CERT1: variants seen among roughly 807,000 people sequenced by gnomAD.
CERT1 encodes the protein ceramide transfer protein.
CERT1 carries 31 observed loss-of-function variants against 87.9 expected under a neutral mutation model. That is an observed-to-expected ratio of 0.35 (90% CI 0.27 to 0.48). The LOEUF is 0.48. CERT1 is among the 20% of genes least tolerant of loss of function. CERT1 has a pLI of 0.99. For synonymous variants in CERT1, 289 were observed against 250.9 expected (o/e 1.15, Z -1.44); for missense variants, 487 against 758.0 (o/e 0.64, Z 4.20).
chr5:75,511,666 C>T (rs998075356), upstream of CERT1: 35 of 1,517,836 alleles, frequency 2.3e-5, no homozygotes, highest in Non-Finnish European at 2.7e-5. Context: ...TCCCCTTCGT[C>T]CTCCCATTCT....
intron 9 of CERT1, chr5:75,402,363 T>C (rs1174550854): frequency 2.6e-5 from 4 of 152,238 alleles, no homozygotes; most frequent in African/African-American, 9.6e-5. Flanking sequence ...AAGAATGTTT[T>C]AAGCTGGACA....
chr5:75,482,368 G>A (rs1005697422), intron 2 of CERT1, among the ~76,000 whole-genome samples: 38 of 152,258 alleles, frequency 2.5e-4, no homozygotes, highest in African/African-American at 8.7e-4. Context: ...TGGCTTGGGT[G>A]CTAGTTCAGC....
chr5:75,491,349 CTT>C (rs1053344054), intron 2 of CERT1, among the ~76,000 whole-genome samples: 2 of 151,994 alleles, frequency 1.3e-5, no homozygotes, highest in African/African-American at 4.8e-5. Context: ...CCAAAGAACT[CTT>C]TTGTTTTCCT....
In CERT1 at chr5:75,427,808, A is replaced by AT. The variant is rs926684314; in HGVS notation, c.349-1331dup. Among the ~76,000 whole-genome samples the AT allele has an allele frequency of 4.0e-5, 6 of 151,742 alleles. No individual in the cohort carries two copies. In the South Asian group the frequency reaches 8.3e-4, roughly 21 times the overall value. On this transcript the variant is annotated intron_variant, in intron 3 of 16. Coordinates refer to ENST00000643780, the MANE Select transcript of CERT1 (RefSeq NM_001379029.1). ...AAACCTGTAGGTTTAGTAAACATCA[A>AT]TTTTTTTTTAATACTTAGAGATCAA...
intron 2 of CERT1, among the ~76,000 whole-genome samples, chr5:75,484,291 C>G (rs892971254): frequency 7.5e-5 from 11 of 147,180 alleles, no homozygotes; most frequent in Admixed American, 2.0e-4. Context: ...GAATCACCGG[C>G]ACACGAACAT....
At chr5:75,449,879 G>C (rs1336984197) in intron 3 of CERT1, among the ~76,000 whole-genome samples, 2 of 152,064 alleles carry the variant, frequency 1.3e-5, no homozygotes, top group African/African-American at 4.8e-5. Context: ...CCCCTTAAAT[G>C]AACTTCCTAA....
rs1764733222 is a variant in CERT1 at position 75,450,619 on chromosome 5, G to A, written c.348+8446C>T. 3.3e-5 allele frequency among the ~76,000 whole-genome samples: 5 copies of A among 152,246 alleles called. No homozygotes were observed. In the South Asian group the frequency reaches 1.0e-3, roughly 32 times the overall value. On this transcript the variant is annotated intron_variant, in intron 3 of 16. Coordinates refer to ENST00000643780, the MANE Select transcript of CERT1 (RefSeq NM_001379029.1). ...GTATAGAAAACATTTGCCTTCTACTGTTTCTGGTGAGGCAGCCACCCATGA... is the reference window on the plus strand; with the variant it reads ...GTATAGAAAACATTTGCCTTCTACTATTTCTGGTGAGGCAGCCACCCATGA...
At chr5:75,494,321 G>C (rs1766956676) in intron 2 of CERT1, among the ~76,000 whole-genome samples, 1 of 152,156 alleles carries the variant, frequency 6.6e-6, no homozygotes, top group Admixed American at 6.5e-5. Context: ...TCTTAGAAAA[G>C]ACCCCAGCAA....
chr5:75,457,968 TGTGTGTGTGTGTG>T (rs1479957759), intron 3 of CERT1, among the ~76,000 whole-genome samples: 1 of 149,216 alleles, frequency 6.7e-6, no homozygotes, highest in Non-Finnish European at 1.5e-5. Context: ...AATGTGTGTG[TGTGTGTGTGTGTG>T]GTATGTGTGT....
At chr5:75,505,902 T>G (rs1767629045) in intron 2 of CERT1, 80 bp downstream of exon 2, 4 of 1,097,236 alleles carry the variant, frequency 3.6e-6, no homozygotes, top group Non-Finnish European at 5.5e-6. Context: ...CACGGATGTA[T>G]CCTGAACACG....
At chr5:75,382,943 G>A (rs1440077576) in intron 14 of CERT1, among the ~76,000 whole-genome samples, 3 of 151,992 alleles carry the variant, frequency 2.0e-5, no homozygotes, top group Non-Finnish European at 4.4e-5. Flanking sequence ...TGATAAGATA[G>A]AAATTTAAAG....
chr5:75,443,732 G>A (rs528767253), intron 3 of CERT1, among the ~76,000 whole-genome samples: 2 of 152,188 alleles, frequency 1.3e-5, no homozygotes, highest in Admixed American at 6.5e-5. Flanking sequence ...ATTCTGTCTG[G>A]TCTATTACTG....
intron 4 of CERT1, 137 bp from the exon 5 acceptor site, chr5:75,425,636 A>C (rs566396479): frequency 1.4e-6 from 1 of 704,910 alleles, no homozygotes; most frequent in South Asian, 2.4e-5. Context: ...GTCTAGTTCA[A>C]TATAATACTT....
chr5:75,503,026 A>G (rs1767458034), intron 2 of CERT1, among the ~76,000 whole-genome samples: 1 of 152,072 alleles, frequency 6.6e-6, no homozygotes, highest in Non-Finnish European at 1.5e-5. Flanking sequence ...ATCCTTTCAC[A>G]TTAAGGAATA....
At chr5:75,421,888 A>G (rs1371438932) in intron 5 of CERT1, among the ~76,000 whole-genome samples, 1 of 152,120 alleles carries the variant, frequency 6.6e-6, no homozygotes, top group Non-Finnish European at 1.5e-5. Context: ...TCTAGATTTG[A>G]CCTATTCTCA....
chr5:75,404,462 A>T (rs921124047), intron 8 of CERT1, among the ~76,000 whole-genome samples: 2 of 152,160 alleles, frequency 1.3e-5, no homozygotes, highest in African/African-American at 4.8e-5. Flanking sequence ...CTCCTGCAGG[A>T]TTCTCTTTAC....
chr5:75,389,745 C>G, intron 11 of CERT1, 58 bp from the exon 12 acceptor site: 1 of 1,326,150 alleles, frequency 7.5e-7, no homozygotes, highest in South Asian at 1.2e-5. Context: ...ATCTCTAAAA[C>G]AGAATGGTCT....
chr5:75,376,786 G>A (rs1048093777), downstream of CERT1: 10 of 152,234 alleles, frequency 6.6e-5, no homozygotes, highest in South Asian at 2.1e-3. Flanking sequence ...CTAAACAACT[G>A]AGACATCAAT....
chr5:75,464,681 T>A (rs187491296), intron 2 of CERT1, among the ~76,000 whole-genome samples: 2 of 152,106 alleles, frequency 1.3e-5, no homozygotes, highest in Non-Finnish European at 2.9e-5. Flanking sequence ...GCTCACATGA[T>A]CCTCCCACCT....
Sources: allele counts gnomAD v4.1 joint callset (sites outside exome capture counted in the v4.1 genomes callset), GRCh38; gene constraint gnomAD v4.1.1; transcripts MANE v1.5; gene names NCBI Gene and HGNC (gene_info 2026-07-23, HGNC 2026-07-21).